PPARGC1A: variants seen among roughly 807,000 people sequenced by gnomAD.
PPARGC1A encodes peroxisome proliferator-activated receptor gamma coactivator 1-alpha.
PPARGC1A carries 25 observed loss-of-function variants against 88.7 expected under a neutral mutation model. That is an observed-to-expected ratio of 0.28 (90% confidence interval 0.21 to 0.39). The LOEUF is 0.39. Ranked by LOEUF, PPARGC1A falls within the 10% of genes least tolerant of loss-of-function variation. The probability of loss-of-function intolerance (pLI) is 1.00; values close to 1 mark genes in which losing one functional copy is unlikely to be tolerated. For synonymous variants in PPARGC1A, 363 were observed against 355.6 expected (o/e 1.02, Z -0.24); for missense variants, 880 against 968.7 (o/e 0.91, Z 1.22).
chr4:24,398,121 A>AACATTT, the PPARGC1A span, among the ~76,000 whole-genome samples: 2 of 152,250 alleles, frequency 1.3e-5, no homozygotes, highest in Non-Finnish European at 2.9e-5. Context: ...ACTTTATAAG[A>AACATTT]ACATTTACAC....
At chr4:24,329,832 C>G in the PPARGC1A span, among the ~76,000 whole-genome samples, 88 of 152,286 alleles carry the variant, frequency 5.8e-4, no homozygotes, top group African/African-American at 2.0e-3. Context: ...ATATTGACTG[C>G]CTATGAGAGA....
At chr4:24,326,261 G>A in the PPARGC1A span, among the ~76,000 whole-genome samples, 4 of 152,086 alleles carry the variant, frequency 2.6e-5, no homozygotes, top group African/African-American at 9.7e-5. Flanking sequence ...GCTACAGCAT[G>A]GCCTTTTGAA....
chr4:24,167,307 G>A, the PPARGC1A span, among the ~76,000 whole-genome samples: 1 of 152,188 alleles, frequency 6.6e-6, no homozygotes, highest in Non-Finnish European at 1.5e-5. Context: ...AACTTTCATG[G>A]ATGAAGAGTT....
At chr4:24,315,001 A>G in the PPARGC1A span, among the ~76,000 whole-genome samples, 5 of 151,760 alleles carry the variant, frequency 3.3e-5, no homozygotes, top group African/African-American at 4.8e-5. Flanking sequence ...TGTAGAACAA[A>G]TAACTGAGAC....
chr4:24,263,114 C>T, the PPARGC1A span, among the ~76,000 whole-genome samples: 1 of 152,116 alleles, frequency 6.6e-6, no homozygotes. Context: ...TTGAATCTAA[C>T]CATTTACTCT....
the PPARGC1A span, among the ~76,000 whole-genome samples, chr4:24,029,915 C>T: frequency 1.3e-5 from 2 of 152,146 alleles, no homozygotes; most frequent in African/African-American, 2.4e-5. Context: ...GCATATGCTG[C>T]CAAGTCCTCT....
At chr4:24,246,453 C>T in the PPARGC1A span, among the ~76,000 whole-genome samples, 46 of 152,088 alleles carry the variant, frequency 3.0e-4, no homozygotes, top group African/African-American at 1.1e-3. Context: ...GTGAAACCCC[C>T]TCTCTACAAA....
At chr4:23,909,443 A>T in the PPARGC1A span, among the ~76,000 whole-genome samples, 4 of 152,022 alleles carry the variant, frequency 2.6e-5, no homozygotes, top group Admixed American at 2.6e-4. Flanking sequence ...GAAAATAGGA[A>T]TGGTTTGGCA....
chr4:23,936,200 G>A, the PPARGC1A span, among the ~76,000 whole-genome samples: 1 of 152,096 alleles, frequency 6.6e-6, no homozygotes, highest in Non-Finnish European at 1.5e-5. Flanking sequence ...TGCCTACTAT[G>A]TACTATTCTA....
chr4:23,976,590 C>A, the PPARGC1A span, among the ~76,000 whole-genome samples: 1 of 152,192 alleles, frequency 6.6e-6, no homozygotes, highest in Non-Finnish European at 1.5e-5. Flanking sequence ...GTGACTATAT[C>A]TGGAGATAGA....
At chr4:24,401,220 G>A in the PPARGC1A span, among the ~76,000 whole-genome samples, 11 of 151,664 alleles carry the variant, frequency 7.3e-5, no homozygotes, top group African/African-American at 2.4e-4. Context: ...GGGTTTCACC[G>A]TGTTAGCCAG....
chr4:24,223,520 G>A, the PPARGC1A span, among the ~76,000 whole-genome samples: 1 of 152,184 alleles, frequency 6.6e-6, no homozygotes, highest in African/African-American at 2.4e-5. Context: ...AAGGTGCTGA[G>A]ATTACAGGCA....
chr4:24,147,863 G>A, the PPARGC1A span, among the ~76,000 whole-genome samples: 2 of 152,154 alleles, frequency 1.3e-5, no homozygotes, highest in South Asian at 4.1e-4. Flanking sequence ...AGAATCACTT[G>A]AGCCCGGGAG....
At chr4:24,472,110 G>T in the PPARGC1A span, among the ~76,000 whole-genome samples, 9 of 152,200 alleles carry the variant, frequency 5.9e-5, no homozygotes, top group Non-Finnish European at 8.8e-5. The surrounding 1 kb of genome is among the most constrained non-coding windows in gnomAD (Gnocchi z 4.5). Context: ...TCGGGTTCCC[G>T]CTGGGCTGGG....
chr4:24,472,301 CCCA>C, the PPARGC1A span, among the ~76,000 whole-genome samples: 1 of 151,830 alleles, frequency 6.6e-6, no homozygotes, highest in Admixed American at 6.5e-5. This position sits in a 1 kb window ranked among gnomAD's most constrained non-coding sequence, Gnocchi z 4.5. Context: ...CCTCTGCCTC[CCCA>C]CCAAGTACCA....
the PPARGC1A span, among the ~76,000 whole-genome samples, chr4:24,082,432 G>A: frequency 6.6e-6 from 1 of 152,100 alleles, no homozygotes; most frequent in African/African-American, 2.4e-5. Context: ...CCTTTGGCCA[G>A]TCATTTCTTT....
the PPARGC1A span, among the ~76,000 whole-genome samples, chr4:23,975,105 G>T: frequency 1.3e-5 from 2 of 152,112 alleles, no homozygotes; most frequent in African/African-American, 2.4e-5. Context: ...TTTATTATTA[G>T]CTAACTATTT....
chr4:24,000,992 T>C, the PPARGC1A span, among the ~76,000 whole-genome samples: 3 of 152,238 alleles, frequency 2.0e-5, no homozygotes, highest in Admixed American at 6.5e-5. Flanking sequence ...AAGAGTACTA[T>C]AGAAAGGTTA....
intron 1 of PPARGC1A, 100 bp downstream of exon 1, chr4:23,889,804 G>C: frequency 7.1e-7 from 1 of 1,409,042 alleles, no homozygotes; most frequent in African/African-American, 1.4e-5. Context: ...CTACTTTCCT[G>C]GCTCCTCTCT....
Sources: allele counts gnomAD v4.1 joint callset (sites outside exome capture counted in the v4.1 genomes callset), GRCh38; gene constraint gnomAD v4.1.1; non-coding constraint Gnocchi (gnomAD v3.1); transcripts MANE v1.5; gene names NCBI Gene and HGNC (gene_info 2026-07-23, HGNC 2026-07-21).